The following SRGAP1 variants were observed in gnomAD, a reference collection of about 807,000 sequenced individuals.
SRGAP1 encodes SLIT-ROBO Rho GTPase activating protein 1.
Under a neutral mutation model 121.9 loss-of-function variants are expected in SRGAP1, and 43 were observed. That is an observed-to-expected ratio of 0.35 (90% CI 0.28 to 0.46). The LOEUF is 0.46. SRGAP1 is among the 20% of genes least tolerant of loss of function. SRGAP1 has a pLI of 1.00. For missense variants in SRGAP1, 1,102 were observed against 1,350.9 expected (o/e 0.82, Z 2.89); for synonymous variants, 447 against 485.4 (o/e 0.92, Z 1.04).
intron 4 of SRGAP1, among the ~76,000 whole-genome samples, chr12:64,040,625 A>G (rs1224765480): frequency 6.6e-6 from 1 of 152,180 alleles, no homozygotes; most frequent in Non-Finnish European, 1.5e-5. Context: ...TATATTGGAA[A>G]AATTATGATT....
chr12:63,912,955 C>T (rs2030569971), intron 1 of SRGAP1, among the ~76,000 whole-genome samples: 1 of 152,010 alleles, frequency 6.6e-6, no homozygotes, highest in Non-Finnish European at 1.5e-5. Flanking sequence ...TTTAAATACC[C>T]AGTAGAGGAG....
intron 18 of SRGAP1, among the ~76,000 whole-genome samples, chr12:64,123,709 G>T (rs754313591): frequency 6.6e-6 from 1 of 151,254 alleles, no homozygotes; most frequent in Admixed American, 6.6e-5. Context: ...AGGCCTCACT[G>T]TGTTGTTCAG....
At chr12:63,938,034 G>T (rs2031727687) in intron 1 of SRGAP1, among the ~76,000 whole-genome samples, 1 of 152,226 alleles carries the variant, frequency 6.6e-6, no homozygotes, top group Admixed American at 6.5e-5. Flanking sequence ...CACACTGTCT[G>T]TGTGGACTAA....
chr12:64,116,002 C>T lies in SRGAP1; in HGVS notation c.2224+109C>T, dbSNP rs542551154. On this transcript the variant is annotated intron_variant, in intron 18 of 21. Coordinates refer to ENST00000355086, the MANE Select transcript of SRGAP1 (RefSeq NM_020762.4). ...AAGCACAGTGGCTCCTACCTATAAT[C>T]CCAGCACGTTGGGAAGCCAAGGTTG... 9.8e-4 allele frequency: 1,020 copies of T among 1,040,766 alleles called. 5 individuals are homozygous for T. Among genetic ancestry groups the T allele is most frequent in the South Asian group, 1.2e-3 (80 of 64,190 alleles). The allele number at this position is 1,040,766 out of a possible 1,614,324, so 64.5% of individuals were successfully genotyped here. A position where few individuals can be genotyped will look rare whatever the true frequency, so the allele number is the denominator to read the frequency against.
intron 1 of SRGAP1, among the ~76,000 whole-genome samples, chr12:63,899,821 A>G (rs1174156420): frequency 2.0e-5 from 3 of 152,360 alleles, no homozygotes; most frequent in East Asian, 1.9e-4. Context: ...AAAAATCTCT[A>G]TATTATATAT....
chr12:63,849,677 T>G (rs1035241525), intron 1 of SRGAP1, among the ~76,000 whole-genome samples: 45 of 152,316 alleles, frequency 3.0e-4, no homozygotes, highest in African/African-American at 1.0e-3. Flanking sequence ...CTTACATTCT[T>G]TCTTCAACAT....
chr12:64,052,868 T>G (rs1265616081), intron 6 of SRGAP1, among the ~76,000 whole-genome samples: 2 of 152,164 alleles, frequency 1.3e-5, no homozygotes, highest in East Asian at 3.8e-4. Context: ...TGAGGGTTTT[T>G]TCATGAAGAA....
intron 1 of SRGAP1, among the ~76,000 whole-genome samples, chr12:63,911,592 C>T (rs932807446): frequency 1.3e-5 from 2 of 152,328 alleles, no homozygotes; most frequent in East Asian, 1.9e-4. Flanking sequence ...CCCAGAATTA[C>T]TGTATCCCCT....
At chr12:63,885,512 A>G (rs188751149) in intron 1 of SRGAP1, among the ~76,000 whole-genome samples, 2 of 152,300 alleles carry the variant, frequency 1.3e-5, no homozygotes, top group African/African-American at 2.4e-5. Flanking sequence ...CCATGTAGAA[A>G]TGTGATTGAA....
rs111407573 is a variant in SRGAP1 at position 63,919,997 on chromosome 12, G to A, written c.68-63950G>A. ...TTCCTATTAACACACATATACAGGA[G>A]TTTCTCCATGGCCTATTGCTGGGAG... On this transcript the variant is annotated intron_variant, in intron 1 of 21. Coordinates refer to ENST00000355086, the MANE Select transcript of SRGAP1 (RefSeq NM_020762.4). Among the ~76,000 whole-genome samples the A allele has an allele frequency of 2.5e-3, 376 of 152,282 alleles. 2 individuals carry two copies. Among genetic ancestry groups the A allele is most frequent in the African/African-American group, 8.3e-3 (343 of 41,548 alleles).
chr12:64,109,877 G>A (rs960403097), intron 16 of SRGAP1, among the ~76,000 whole-genome samples: 1 of 152,118 alleles, frequency 6.6e-6, no homozygotes, highest in Non-Finnish European at 1.5e-5. Context: ...TTACAATCCC[G>A]CTGACTAGTC....
chr12:64,099,679 G>A (rs900002540), intron 15 of SRGAP1, among the ~76,000 whole-genome samples: 4 of 152,164 alleles, frequency 2.6e-5, no homozygotes, highest in African/African-American at 9.7e-5. Context: ...TTCACTTCTG[G>A]AATTCTCCTT....
At chr12:64,141,140 G>A (rs1454711771) in intron 21 of SRGAP1, among the ~76,000 whole-genome samples, 19 of 146,844 alleles carry the variant, frequency 1.3e-4, no homozygotes, top group Admixed American at 3.4e-4. Flanking sequence ...GTGGAGAGGG[G>A]AGGGATAGCA....
In SRGAP1 at chr12:64,087,064, ACTTTCT is replaced by A. The variant is rs548270943; in HGVS notation, c.1436+43_1436+48del. The A allele has an allele frequency of 1.2e-4, 177 of 1,488,510 alleles. 1 individual carries two copies. In the East Asian group the frequency reaches 3.7e-3, roughly 31 times the overall value. 92.2% of individuals were successfully genotyped at this position (1,488,510 alleles called of 1,614,324 possible). On this transcript the variant is annotated intron_variant, in intron 11 of 21. Coordinates refer to ENST00000355086, the MANE Select transcript of SRGAP1 (RefSeq NM_020762.4). ...TTTATCATAACTTATAGCGTATTTT[ACTTTCT>A]CTTTAACAAGAAGCAACCATTTCAA...
chr12:63,870,924 G>A (rs894315291), intron 1 of SRGAP1, among the ~76,000 whole-genome samples: 1 of 152,078 alleles, frequency 6.6e-6, no homozygotes, highest in Admixed American at 6.6e-5. Context: ...TATCTCTTCA[G>A]CTTCTATCTC....
intron 11 of SRGAP1, among the ~76,000 whole-genome samples, chr12:64,089,320 C>T (rs541997005): frequency 3.1e-4 from 47 of 152,308 alleles, no homozygotes; most frequent in African/African-American, 1.0e-3. Flanking sequence ...CCATTCCCTC[C>T]AGTGGGAACC....
chr12:63,918,188 C>A (rs1403714926), intron 1 of SRGAP1, among the ~76,000 whole-genome samples: 3 of 152,194 alleles, frequency 2.0e-5, no homozygotes, highest in Non-Finnish European at 4.4e-5. Context: ...GGAAATTACA[C>A]TGTCGTTGTG....
chr12:63,845,585 C>G (rs867265146), intron 1 of SRGAP1, among the ~76,000 whole-genome samples: 1 of 152,186 alleles, frequency 6.6e-6, no homozygotes. Context: ...GTAGTAGTTT[C>G]AGTCCATTTA....
chr12:63,861,303 T>TATATATATATATATA (rs528177943), intron 1 of SRGAP1, among the ~76,000 whole-genome samples: 7 of 120,936 alleles, frequency 5.8e-5, no homozygotes, highest in African/African-American at 2.1e-4. Flanking sequence ...TATATATATA[T>TATATATATATATATA]TTTTTTTTTT....
Sources: allele counts gnomAD v4.1 joint callset (sites outside exome capture counted in the v4.1 genomes callset), GRCh38; gene constraint gnomAD v4.1.1; transcripts MANE v1.5; gene names NCBI Gene and HGNC (gene_info 2026-07-23, HGNC 2026-07-21).